Variants in LARP4B observed in about 807,000 individuals in gnomAD.
LARP4B encodes the protein la-related protein 4B.
In LARP4B, 12 loss-of-function variants were observed where a neutral mutation model predicts 89.8. The ratio of observed to expected loss-of-function variants is 0.13; its 90% CI spans 0.09 to 0.22. The LOEUF is 0.22. Among genes scored for constraint, LARP4B ranks in the 10% least tolerant of loss-of-function variants. The pLI is 1.00. For synonymous variants in LARP4B, 367 were observed against 363.3 expected (o/e 1.01, Z -0.12); for missense variants, 757 against 947.7 (o/e 0.80, Z 2.64).
At chr10:910,338 T>C (rs144080667) in intron 1 of LARP4B, among the ~76,000 whole-genome samples, 230 of 152,296 alleles carry the variant, frequency 1.5e-3, no homozygotes, top group African/African-American at 5.4e-3. Flanking sequence ...CTACTTATAT[T>C]AATTTTGCCT....
chr10:882,345 T>C (rs1169119521), intron 3 of LARP4B, among the ~76,000 whole-genome samples: 1 of 152,000 alleles, frequency 6.6e-6, no homozygotes, highest in Non-Finnish European at 1.5e-5. Context: ...CTGACAATCA[T>C]GTCACTCATT....
intron 2 of LARP4B, 89 bp downstream of exon 2, chr10:885,552 C>A (rs1835829945): frequency 1.2e-6 from 1 of 844,552 alleles, no homozygotes; most frequent in Non-Finnish European, 1.9e-6. Flanking sequence ...TGCCAGTGTT[C>A]CTGTTTAGAA....
intron 1 of LARP4B, among the ~76,000 whole-genome samples, chr10:887,697 T>C (rs1835900645): frequency 6.6e-6 from 1 of 150,522 alleles, no homozygotes; most frequent in Non-Finnish European, 1.5e-5. Flanking sequence ...GGCAACAGAG[T>C]GAGACTCCAT....
intron 5 of LARP4B, among the ~76,000 whole-genome samples, chr10:854,551 A>T (rs971141805): frequency 1.1e-4 from 16 of 152,176 alleles, no homozygotes; most frequent in Non-Finnish European, 2.2e-4. Context: ...TTTCAATGAG[A>T]AATTAAAATC....
At position 810,190 on chromosome 10, in the gene LARP4B, G is replaced by C. The variant is rs538393259; in HGVS notation, c.*2736C>G. On this transcript the variant is annotated 3_prime_UTR_variant, in exon 18 of 18. Coordinates refer to ENST00000316157, the MANE Select transcript of LARP4B (RefSeq NM_015155.3). ...GGGTGTTAACTTAAAAAAAAAAAAA[G>C]TATGAAAGCCACTCTCATCGCTGTA... is the stretch of plus-strand genomic sequence containing the variant. The C allele has an allele frequency of 2.0e-5, 3 of 151,338 alleles. No individual in the cohort carries two copies. Among genetic ancestry groups the C allele is most frequent in the Admixed American group, 6.6e-5 (1 of 15,202 alleles). The allele number at this position is 151,338 out of a possible 1,614,324, so 9.4% of individuals were successfully genotyped here.
chr10:951,012 TTCTCTCTCTCTCTCAG>T, the LARP4B span, among the ~76,000 whole-genome samples: 2 of 150,792 alleles, frequency 1.3e-5, no homozygotes, highest in Non-Finnish European at 3.0e-5. Flanking sequence ...TCTCCCTTCC[TTCTCTCTCTCTCTCAG>T]TCTCTCTCTC....
intron 14 of LARP4B, chr10:818,657 G>A (rs1196750424): frequency 1.3e-5 from 2 of 152,238 alleles, no homozygotes; most frequent in Non-Finnish European, 1.5e-5. Context: ...GTCATTTTGC[G>A]AGTACGCAGT....
intron 11 of LARP4B, 91 bp downstream of exon 11, chr10:829,294 T>C (rs1236220640): frequency 3.7e-6 from 4 of 1,085,084 alleles, no homozygotes; most frequent in African/African-American, 1.6e-5. Context: ...ACTGCACACA[T>C]ATCTGGCTTC....
intron 3 of LARP4B, among the ~76,000 whole-genome samples, chr10:864,564 G>C (rs540993311): frequency 3.9e-5 from 6 of 152,180 alleles, no homozygotes; most frequent in Non-Finnish European, 8.8e-5. Flanking sequence ...TATACCTGAG[G>C]AATAGCTGGT....
chr10:897,987 C>CAAAA (rs58452748), intron 1 of LARP4B, among the ~76,000 whole-genome samples: 2,941 of 25,582 alleles, frequency 0.11, 329 homozygotes, highest in Non-Finnish European at 0.17. Context: ...GGCTCCATCT[C>CAAAA]AAAAAAAAAA....
the LARP4B span, among the ~76,000 whole-genome samples, chr10:961,334 A>C: frequency 2.0e-5 from 3 of 152,200 alleles, no homozygotes; most frequent in South Asian, 4.1e-4. Flanking sequence ...GCTGTACAAG[A>C]AGCATGGTAC....
intron 8 of LARP4B, among the ~76,000 whole-genome samples, chr10:835,984 G>A (rs760556395): frequency 2.0e-5 from 3 of 151,996 alleles, no homozygotes; most frequent in Non-Finnish European, 4.4e-5. Flanking sequence ...AAGAGTGGCC[G>A]TGCTGGCTTG....
chr10:814,793 G>T lies in LARP4B; in HGVS notation c.1878C>A (p.Ser626=). The change falls in exon 17 of 18, where the codon TCC becomes TCA. Residue 626 remains serine (S), a synonymous_variant. Transcript: ENST00000316157. The surrounding 1 kb of genome is among the most constrained non-coding windows in gnomAD (Gnocchi z 4.4). ...ATTTACACGCGGTCGCAGTGAGGGC[G>T]GAAGGAAGTCTGTCCACACTGTGGG... ...RETHSVDRLP[S]ALTATACKSV... 1 of 1,605,164 alleles carries T rather than the reference G, an allele frequency of 6.2e-7. No individual in the cohort carries two copies. Among genetic ancestry groups the T allele is most frequent in the East Asian group, 2.3e-5 (1 of 44,434 alleles).
intron 1 of LARP4B, among the ~76,000 whole-genome samples, chr10:919,408 G>A (rs1398255995): frequency 6.6e-6 from 1 of 151,946 alleles, no homozygotes; most frequent in Non-Finnish European, 1.5e-5. Context: ...CCCATTTTCT[G>A]TTCTTCCTGT....
chr10:967,541 C>A, the LARP4B span, among the ~76,000 whole-genome samples: 1 of 152,112 alleles, frequency 6.6e-6, no homozygotes, highest in South Asian at 2.1e-4. Context: ...TTAAAAGAAA[C>A]GAGTTCCAGC....
chr10:896,653 G>C (rs1006434899), intron 1 of LARP4B, among the ~76,000 whole-genome samples: 1 of 152,022 alleles, frequency 6.6e-6, no homozygotes, highest in Non-Finnish European at 1.5e-5. Context: ...ATTGATTCTT[G>C]ATACTTAACA....
At chr10:976,972 C>T in the LARP4B span, among the ~76,000 whole-genome samples, 1,319 of 151,874 alleles carry the variant, frequency 8.7e-3, 11 homozygotes, top group South Asian at 0.028. Context: ...AATGTGTGGA[C>T]CCGGCCTAGT....
intron 9 of LARP4B, among the ~76,000 whole-genome samples, chr10:830,059 A>T (rs1263021619): frequency 6.6e-6 from 1 of 152,232 alleles, no homozygotes; most frequent in Non-Finnish European, 1.5e-5. Flanking sequence ...CCTAGTATTC[A>T]TCCCAATTTC....
rs1162737704 is a variant in LARP4B, at chr10:897,470, TATTA to T, written c.-39-11714_-39-11711del. ...CATAAACTTGTATTAGGCAATGGTT[TATTA>T]ATTATGACACTAAAAGTATAAACAG... On this transcript the variant is annotated intron_variant, in intron 1 of 17. Transcript: ENST00000316157. 2.0e-5 allele frequency among the ~76,000 whole-genome samples: 3 copies of T among 152,318 alleles called. No homozygotes were observed. The East Asian group carries it at 5.8e-4, about 29-fold the overall frequency.
Sources: gnomAD v4.1 joint callset for allele counts (sites outside exome capture counted in the v4.1 genomes callset) on GRCh38, gnomAD v4.1.1 for gene constraint, Gnocchi (gnomAD v3.1) non-coding constraint, MANE v1.5 for transcripts, NCBI Gene and HGNC (gene_info 2026-07-23, HGNC 2026-07-21) for gene names.